The following DSCAM variants were observed in gnomAD, a reference collection of about 807,000 sequenced individuals.
DSCAM encodes the protein cell adhesion molecule DSCAM.
Under a neutral mutation model 217.7 loss-of-function variants are expected in DSCAM, and 47 were observed. That is an observed-to-expected ratio of 0.22 (90% CI 0.17 to 0.28). DSCAM has a LOEUF of 0.28. Among genes scored for constraint, DSCAM ranks in the 10% least tolerant of loss-of-function variants. The probability of loss-of-function intolerance (pLI) is 1.00; values close to 1 mark genes in which losing one functional copy is unlikely to be tolerated. For synonymous variants in DSCAM, 1,056 were observed against 1,015.3 expected (o/e 1.04, Z -0.76); for missense variants, 2,080 against 2,618.3 (o/e 0.79, Z 4.49).
intron 3 of DSCAM, among the ~76,000 whole-genome samples, chr21:40,485,305 C>G (rs901737472): frequency 1.4e-5 from 2 of 146,662 alleles, no homozygotes; most frequent in Non-Finnish European, 3.0e-5. Flanking sequence ...TGCAGTGGCG[C>G]GATCTCGGCT....
At chr21:40,314,274 C>T (rs1254816329) in intron 8 of DSCAM, among the ~76,000 whole-genome samples, 4 of 152,068 alleles carry the variant, frequency 2.6e-5, no homozygotes, top group South Asian at 2.1e-4. Flanking sequence ...AGCCAGAGGT[C>T]GAAGAAGTAG....
chr21:40,312,493 A>C (rs978362800), intron 8 of DSCAM, 134 bp from the exon 9 acceptor site: 1 of 1,024,670 alleles, frequency 9.8e-7, no homozygotes, highest in Admixed American at 3.0e-5. Context: ...ACTGTAGCAA[A>C]TTTGAAATTC....
rs1309042413 is a variant in DSCAM, at chr21:40,661,641, G to C, written c.508+31169C>G. ...ATTGTGTTGATTTGCTTCTTTTAGT[G>C]GAGTTTAGATTGATAAAATCATTAA... On this transcript the variant is annotated intron_variant, in intron 3 of 32. Transcript: ENST00000400454. Among the ~76,000 whole-genome samples, 5 of 152,134 alleles carry C rather than the reference G, an allele frequency of 3.3e-5. No homozygotes were observed. The East Asian group carries it at 9.6e-4, about 29-fold the overall frequency.
At chr21:40,486,169 G>A (rs1051347575) in intron 3 of DSCAM, among the ~76,000 whole-genome samples, 4 of 152,298 alleles carry the variant, frequency 2.6e-5, no homozygotes, top group Middle Eastern at 3.4e-3. Flanking sequence ...CCACTCAGTT[G>A]CTAGTGAATA....
chr21:40,324,968 A>T (rs2074302144), intron 8 of DSCAM, among the ~76,000 whole-genome samples: 1 of 152,246 alleles, frequency 6.6e-6, no homozygotes. Flanking sequence ...TAATAACAAA[A>T]GTAAACAAGA....
At chr21:40,371,811 T>A (rs529520639) in intron 3 of DSCAM, among the ~76,000 whole-genome samples, 211 of 152,242 alleles carry the variant, frequency 1.4e-3, no homozygotes, top group Admixed American at 2.7e-3. Flanking sequence ...AAGCCTAGCG[T>A]TTCATTATTG....
At chr21:40,645,869 T>C (rs193080046) in intron 3 of DSCAM, among the ~76,000 whole-genome samples, 13 of 152,364 alleles carry the variant, frequency 8.5e-5, no homozygotes, top group African/African-American at 3.1e-4. Context: ...AACAATAAAT[T>C]ATTTAAACTG....
intron 11 of DSCAM, among the ~76,000 whole-genome samples, chr21:40,215,978 G>A (rs2091239614): frequency 6.7e-6 from 1 of 149,940 alleles, no homozygotes; most frequent in African/African-American, 2.4e-5. Flanking sequence ...TTGTGCTCAA[G>A]ACTACTATGG....
At chr21:40,834,315 G>A (rs1015914284) in intron 1 of DSCAM, among the ~76,000 whole-genome samples, 3 of 151,428 alleles carry the variant, frequency 2.0e-5, no homozygotes, top group African/African-American at 7.3e-5. Flanking sequence ...GCTGAGGCAG[G>A]AGAACGGCAT....
chr21:40,284,199 C>A (rs1016995803), intron 10 of DSCAM, among the ~76,000 whole-genome samples: 4 of 152,166 alleles, frequency 2.6e-5, no homozygotes, highest in African/African-American at 9.7e-5. Context: ...AGCTGAAATA[C>A]AATGCTTATT....
At chr21:40,416,726 T>G (rs1187847416) in intron 3 of DSCAM, among the ~76,000 whole-genome samples, 2 of 151,636 alleles carry the variant, frequency 1.3e-5, no homozygotes, top group South Asian at 4.2e-4. Flanking sequence ...AATAAAAACT[T>G]TAATAAAATT....
intron 1 of DSCAM, among the ~76,000 whole-genome samples, chr21:40,833,951 AC>A (rs971990018): frequency 6.6e-6 from 1 of 151,950 alleles, no homozygotes; most frequent in Non-Finnish European, 1.5e-5. Flanking sequence ...GCCAGTAGCA[AC>A]CCCCAACCAG....
At chr21:40,027,284 A>C (rs1201062225) in intron 32 of DSCAM, among the ~76,000 whole-genome samples, 7 of 152,398 alleles carry the variant, frequency 4.6e-5, no homozygotes, top group African/African-American at 1.7e-4. Context: ...GGGTAACCCG[A>C]CCTTTCTCTC....
chr21:40,456,285 T>C (rs2075762811), intron 3 of DSCAM, among the ~76,000 whole-genome samples: 2 of 151,698 alleles, frequency 1.3e-5, no homozygotes, highest in Non-Finnish European at 1.5e-5. Flanking sequence ...TAAATTATAA[T>C]TAGAAAAAAA....
intron 8 of DSCAM, among the ~76,000 whole-genome samples, chr21:40,320,524 T>C (rs2074247806): frequency 6.6e-6 from 1 of 152,194 alleles, no homozygotes; most frequent in Non-Finnish European, 1.5e-5. Context: ...ATTTTGTCAC[T>C]GTGTTAGTCC....
At chr21:40,586,144 A>T (rs950373573) in intron 3 of DSCAM, among the ~76,000 whole-genome samples, 4 of 152,178 alleles carry the variant, frequency 2.6e-5, no homozygotes, top group African/African-American at 9.7e-5. Context: ...GACATGAGCC[A>T]ACATGCCTGG....
At chr21:40,671,174 A>G (rs1427602015) in intron 3 of DSCAM, among the ~76,000 whole-genome samples, 2 of 152,344 alleles carry the variant, frequency 1.3e-5, no homozygotes, top group South Asian at 4.1e-4. Flanking sequence ...AAGAAATGTA[A>G]AAGTTCATTT....
At chr21:40,630,073 C>A (rs1416820740) in intron 3 of DSCAM, among the ~76,000 whole-genome samples, 2 of 151,942 alleles carry the variant, frequency 1.3e-5, no homozygotes, top group East Asian at 1.9e-4. Flanking sequence ...CCATGGAGCC[C>A]AACAGGAAGA....
chr21:40,305,501 A>G (rs2074063768), intron 9 of DSCAM, among the ~76,000 whole-genome samples: 1 of 152,028 alleles, frequency 6.6e-6, no homozygotes, highest in Non-Finnish European at 1.5e-5. Flanking sequence ...TGTTTTAGAC[A>G]TGAAATCCTT....
Sources: allele counts gnomAD v4.1 joint callset (sites outside exome capture counted in the v4.1 genomes callset), GRCh38; gene constraint gnomAD v4.1.1; transcripts MANE v1.5; gene names NCBI Gene and HGNC (gene_info 2026-07-23, HGNC 2026-07-21).